Variants in GRIK3 observed in about 807,000 individuals in gnomAD.
The protein encoded by GRIK3 is glutamate receptor ionotropic, kainate 3.
A neutral mutation model predicts 102.5 loss-of-function variants in GRIK3; 29 were observed. The observed-to-expected ratio is 0.28, with a 90% CI of 0.21 to 0.39. The LOEUF (loss-of-function observed/expected upper bound fraction) is 0.39, where lower values mean the gene tolerates loss of function less well. Among genes scored for constraint, GRIK3 ranks in the 10% least tolerant of loss-of-function variants. GRIK3 has a pLI of 1.00. For synonymous variants in GRIK3, 511 were observed against 504.9 expected (o/e 1.01, Z -0.16); for missense variants, 908 against 1,252.4 (o/e 0.73, Z 4.15).
At chr1:36,822,864 C>T (rs533203702) in intron 11 of GRIK3, among the ~76,000 whole-genome samples, 1 of 152,306 alleles carries the variant, frequency 6.6e-6, no homozygotes, top group East Asian at 1.9e-4. Flanking sequence ...CCCCTGCTCC[C>T]TTCCTGTTTC....
intron 8 of GRIK3, among the ~76,000 whole-genome samples, chr1:36,852,256 A>T (rs1640594209): frequency 6.6e-6 from 1 of 152,142 alleles, no homozygotes; most frequent in Non-Finnish European, 1.5e-5. Flanking sequence ...GGCTCCCATG[A>T]GTAGGTGGGA....
chr1:36,986,958 A>C (rs1056202377), intron 1 of GRIK3, among the ~76,000 whole-genome samples: 1 of 152,172 alleles, frequency 6.6e-6, no homozygotes, highest in Non-Finnish European at 1.5e-5. Flanking sequence ...TCACAGAAAA[A>C]AATAGTCACC....
At chr1:36,878,378 A>T (rs1170554092) in intron 3 of GRIK3, among the ~76,000 whole-genome samples, 2 of 152,258 alleles carry the variant, frequency 1.3e-5, no homozygotes, top group Non-Finnish European at 2.9e-5. Context: ...AAATAGCAGG[A>T]ACTCAATAGA....
intron 1 of GRIK3, among the ~76,000 whole-genome samples, chr1:36,955,077 G>A (rs1435549921): frequency 6.6e-6 from 1 of 152,240 alleles, no homozygotes; most frequent in Non-Finnish European, 1.5e-5. Context: ...AGCCACATGG[G>A]CCTCCAACCC....
chr1:36,961,388 T>C (rs1206610275), intron 1 of GRIK3, among the ~76,000 whole-genome samples: 4 of 108,894 alleles, frequency 3.7e-5, no homozygotes, highest in South Asian at 3.4e-4. Context: ...TTAGCATAAT[T>C]ATCCCATCAG....
intron 7 of GRIK3, 132 bp downstream of exon 7, chr1:36,858,976 G>A (rs999341710): frequency 4.2e-5 from 33 of 781,188 alleles, no homozygotes; most frequent in African/African-American, 1.2e-4. Context: ...ACTGAGGCTC[G>A]GAGACATGAG....
intron 1 of GRIK3, among the ~76,000 whole-genome samples, chr1:36,909,113 G>A (rs920183423): frequency 2.6e-5 from 4 of 152,098 alleles, no homozygotes; most frequent in African/African-American, 9.7e-5. Context: ...CTACAAAGTG[G>A]CAAAATTCTC....
In GRIK3 at chr1:36,806,620, C is replaced by G. The variant is rs1642505056; in HGVS notation, c.2092-294G>C. Among the ~76,000 whole-genome samples, 1 of 152,180 alleles carries G rather than the reference C, an allele frequency of 6.6e-6. No homozygotes were observed. Among genetic ancestry groups the G allele is most frequent in the South Asian group, 2.1e-4 (1 of 4,832 alleles). ...CTTTTTAAACATGGATTTTCTTTCT[C>G]TAAAATTTATTAAAAGTTAGCACGT... On this transcript the variant is annotated intron_variant, in intron 13 of 15. Transcript: ENST00000373091. The surrounding 1 kb of genome is among the most constrained non-coding windows in gnomAD (Gnocchi z 4.0).
At chr1:36,944,981 G>A (rs1312351462) in intron 1 of GRIK3, among the ~76,000 whole-genome samples, 1 of 152,220 alleles carries the variant, frequency 6.6e-6, no homozygotes. Context: ...GAGCCTGGTG[G>A]TAGCAAGGCA....
intron 1 of GRIK3, among the ~76,000 whole-genome samples, chr1:36,935,902 C>T (rs922102997): frequency 2.0e-5 from 3 of 152,216 alleles, no homozygotes; most frequent in Admixed American, 6.5e-5. Context: ...GAAGACTTGC[C>T]GCCCCGACTC....
chr1:36,803,265 T>C (rs910847714), intron 15 of GRIK3, among the ~76,000 whole-genome samples: 5 of 152,000 alleles, frequency 3.3e-5, no homozygotes, highest in Non-Finnish European at 7.4e-5. Context: ...GAGCAGCATG[T>C]GCAAAGGGCC....
intron 1 of GRIK3, among the ~76,000 whole-genome samples, chr1:37,014,678 A>C (rs1231150073): frequency 6.6e-6 from 1 of 152,222 alleles, no homozygotes; most frequent in African/African-American, 2.4e-5. Context: ...AGAGATAAGC[A>C]GAGGCCAGAA....
intron 1 of GRIK3, among the ~76,000 whole-genome samples, chr1:36,895,657 T>C (rs1641164085): frequency 6.6e-6 from 1 of 151,968 alleles, no homozygotes; most frequent in Non-Finnish European, 1.5e-5. Flanking sequence ...TAAAAATGCC[T>C]AATGGAAATG....
At chr1:37,024,293 G>A (rs1642744617) in intron 1 of GRIK3, among the ~76,000 whole-genome samples, 1 of 152,048 alleles carries the variant, frequency 6.6e-6, no homozygotes, top group Non-Finnish European at 1.5e-5. Context: ...GTAGGACAGG[G>A]AACAAACTCA....
At position 36,937,608 on chromosome 1, in the gene GRIK3, C is replaced by T. The variant is rs57580819; in HGVS notation, c.116-46512G>A. Among the ~76,000 whole-genome samples the T allele has an allele frequency of 5.5e-3, 835 of 151,912 alleles. 6 individuals carry two copies. Among genetic ancestry groups the T allele is most frequent in the African/African-American group, 0.019 (780 of 41,390 alleles). On this transcript the variant is annotated intron_variant, in intron 1 of 15. Coordinates refer to ENST00000373091, the MANE Select transcript of GRIK3 (RefSeq NM_000831.4). ...CTAAATGATTACGGGCAGGGAGCAG[C>T]GGTGGAGCAGAGGTGACTAAGGTTT...
intron 1 of GRIK3, among the ~76,000 whole-genome samples, chr1:36,950,173 C>T (rs1641829519): frequency 6.6e-6 from 1 of 152,112 alleles, no homozygotes; most frequent in African/African-American, 2.4e-5. Context: ...TACCCCAGTC[C>T]TAGAAGTGTA....
intron 10 of GRIK3, among the ~76,000 whole-genome samples, chr1:36,835,449 C>G (rs1640365701): frequency 6.6e-6 from 1 of 152,196 alleles, no homozygotes; most frequent in Admixed American, 6.5e-5. Flanking sequence ...TTCCAGGGTG[C>G]AGACTCACAG....
At position 36,806,023 on chromosome 1, in the gene GRIK3, G is replaced by C; in HGVS notation, c.2314+81C>G. On this transcript the variant is annotated intron_variant, in intron 14 of 15. Coordinates refer to ENST00000373091, the MANE Select transcript of GRIK3 (RefSeq NM_000831.4). This position sits in a 1 kb window ranked among gnomAD's most constrained non-coding sequence, Gnocchi z 4.0. ...ATCAGCCCCATGGAATGAGCTGTGA[G>C]ACGGAGTGTGAGGGGACGCGGGGGT... 5.0e-6 allele frequency: 4 copies of C among 805,344 alleles called. No homozygotes were observed. Among genetic ancestry groups the C allele is most frequent in the Non-Finnish European group, 8.3e-6 (4 of 480,868 alleles). The allele number at this position is 805,344 out of a possible 1,614,324, so 49.9% of individuals were successfully genotyped here.
chr1:36,869,698 T>C (rs199883138), intron 5 of GRIK3, 50 bp downstream of exon 5: 16 of 1,340,922 alleles, frequency 1.2e-5, no homozygotes, highest in African/African-American at 5.7e-5. Flanking sequence ...ATGAACTTGA[T>C]CCATGAGAGT....
Sources: gnomAD v4.1 joint callset for allele counts (sites outside exome capture counted in the v4.1 genomes callset) on GRCh38, gnomAD v4.1.1 for gene constraint, Gnocchi (gnomAD v3.1) non-coding constraint, MANE v1.5 for transcripts, NCBI Gene and HGNC (gene_info 2026-07-23, HGNC 2026-07-21) for gene names.